WASF2: variants seen among roughly 807,000 people sequenced by gnomAD.
WASF2 encodes WASP family member 2, also known as actin-binding protein WASF2.
Under a neutral mutation model 45.0 loss-of-function variants are expected in WASF2, and 14 were observed. That is an observed-to-expected ratio of 0.31 (90% confidence interval 0.21 to 0.49). WASF2 has a LOEUF of 0.49. Among genes scored for constraint, WASF2 ranks in the 20% least tolerant of loss-of-function variants. The pLI, the probability that WASF2 is intolerant of heterozygous loss-of-function variation, is 0.99. For missense variants in WASF2, 439 were observed against 636.1 expected, an observed-to-expected ratio of 0.69 and a Z score of 3.33; for synonymous variants, 200 against 236.3, an observed-to-expected ratio of 0.85 and a Z score of 1.41.
intron 1 of WASF2, among the ~76,000 whole-genome samples, chr1:27,446,916 C>T (rs763053877): frequency 1.3e-5 from 2 of 152,156 alleles, no homozygotes; most frequent in Non-Finnish European, 2.9e-5. Flanking sequence ...TCTCTGGTCT[C>T]TAGCCCCTGG....
chr1:27,475,261 T>C (rs2017750013), intron 1 of WASF2, among the ~76,000 whole-genome samples: 1 of 152,116 alleles, frequency 6.6e-6, no homozygotes, highest in Non-Finnish European at 1.5e-5. Flanking sequence ...AAAATATAAA[T>C]AAACAGAACT....
At chr1:27,449,946 C>T (rs1386848356) in intron 1 of WASF2, among the ~76,000 whole-genome samples, 4 of 152,088 alleles carry the variant, frequency 2.6e-5, no homozygotes, top group African/African-American at 7.2e-5. Context: ...GAGTTCGAGA[C>T]CAGCCTGGCC....
At position 27,415,191 on chromosome 1, in the gene WASF2, A is replaced by G. The variant is rs187321348; in HGVS notation, c.538-228T>C. ...ATCCCACACTCAAATGCCTCCAGCAACGGGAACCCCACTTCCTCTTTGGAT... is the reference window on the plus strand; with the variant it reads ...ATCCCACACTCAAATGCCTCCAGCAGCGGGAACCCCACTTCCTCTTTGGAT... On this transcript the variant is annotated intron_variant, in intron 5 of 8. Coordinates refer to ENST00000618852, the MANE Select transcript of WASF2 (RefSeq NM_006990.5). Among the ~76,000 whole-genome samples, 512 of 152,340 alleles carry G rather than the reference A, an allele frequency of 3.4e-3. 3 individuals carry two copies. The highest frequency in any genetic ancestry group is 5.7e-3 in the Non-Finnish European group (386 of 68,026).
rs757951877 is a variant in WASF2 at position 27,410,226 on chromosome 1, AAG to A, written c.825-22_825-21del. ...GGGTAACTAAAAGGCCAAAGAAAAA[AAG>A]ACTCACCATCACCCTTAGAATGCAG... On this transcript the variant is annotated intron_variant, in intron 7 of 8. Coordinates refer to ENST00000618852, the MANE Select transcript of WASF2 (RefSeq NM_006990.5). The surrounding 1 kb of genome is among the most constrained non-coding windows in gnomAD (Gnocchi z 4.2). 1.9e-6 allele frequency: 3 copies of A among 1,613,772 alleles called. No individual in the cohort carries two copies. The Admixed American group carries it at 5.0e-5, about 27-fold the overall frequency.
At chr1:27,473,688 CA>C (rs1381465784) in intron 1 of WASF2, among the ~76,000 whole-genome samples, 1 of 152,104 alleles carries the variant, frequency 6.6e-6, no homozygotes, top group Non-Finnish European at 1.5e-5. Context: ...TTTCTGGTCA[CA>C]AAAAACATCA....
chr1:27,458,472 G>T (rs1363576516), intron 1 of WASF2, among the ~76,000 whole-genome samples: 1 of 151,932 alleles, frequency 6.6e-6, no homozygotes, highest in Non-Finnish European at 1.5e-5. Flanking sequence ...AATATTTGTA[G>T]TTTTCCTCAA....
intron 1 of WASF2, 89 bp from the exon 2 acceptor site, chr1:27,429,022 T>C: frequency 9.3e-7 from 1 of 1,069,522 alleles, no homozygotes; most frequent in Non-Finnish European, 1.3e-6. Context: ...TTTTTTTTGG[T>C]CTTACCCTGA....
Position 27,428,762 on chromosome 1 carries a change from C to T in WASF2, c.129G>A (p.Leu43=). The change falls in exon 2 of 9, where the codon CTG becomes CTA. Residue 43 remains leucine, a splice_region_variant and synonymous_variant. Coordinates refer to ENST00000618852, the MANE Select transcript of WASF2 (RefSeq NM_006990.5). ...GCACAGGCTCTCTGAGGCACTCACT[C>T]AGGCTGCCCAGCTGTCGGATGACAT... ...LANVIRQLGS[L]SKYAEDIFGE... 1.2e-6 allele frequency: 2 copies of T among 1,614,168 alleles called. No individual in the cohort carries two copies. The highest frequency in any genetic ancestry group is 2.7e-5 in the African/African-American group (2 of 75,038).
At position 27,427,242 on chromosome 1, in the gene WASF2, T is replaced by C. The variant is rs183593235; in HGVS notation, c.130+1519A>G. 1.6e-4 allele frequency among the ~76,000 whole-genome samples: 25 copies of C among 152,074 alleles called. No individual in the cohort carries two copies. In the East Asian group the frequency reaches 4.2e-3, roughly 26 times the overall value. ...CAGATCAGCTTCCCCAAGATAGGAG[T>C]GGTCTGATCACAAGTGGGAGTGTGA... On this transcript the variant is annotated intron_variant, in intron 2 of 8. Coordinates refer to ENST00000618852, the MANE Select transcript of WASF2 (RefSeq NM_006990.5).
At chr1:27,453,412 T>C (rs1263512376) in intron 1 of WASF2, among the ~76,000 whole-genome samples, 2 of 149,750 alleles carry the variant, frequency 1.3e-5, no homozygotes, top group South Asian at 2.1e-4. Flanking sequence ...GGCAAAATGA[T>C]GAAACCCTGT....
intron 1 of WASF2, among the ~76,000 whole-genome samples, chr1:27,477,713 A>C (rs1169918171): frequency 7.3e-6 from 1 of 136,230 alleles, no homozygotes; most frequent in Non-Finnish European, 1.5e-5. Context: ...TCCCGGCTAA[A>C]ACGGTGAAAC....
intron 1 of WASF2, among the ~76,000 whole-genome samples, chr1:27,445,329 C>CA (rs2017297060): frequency 6.6e-6 from 1 of 152,178 alleles, no homozygotes; most frequent in African/African-American, 2.4e-5. Context: ...GTCACACAGA[C>CA]AGACAGCTTT....
chr1:27,452,229 C>T (rs762901708), intron 1 of WASF2, among the ~76,000 whole-genome samples: 15 of 152,204 alleles, frequency 9.9e-5, no homozygotes, highest in Non-Finnish European at 1.9e-4. Context: ...ATAGGCCAGA[C>T]GCAGGCTGCG....
intron 2 of WASF2, among the ~76,000 whole-genome samples, chr1:27,422,348 A>C (rs1376983838): frequency 1.3e-5 from 2 of 152,030 alleles, no homozygotes; most frequent in East Asian, 3.9e-4. Flanking sequence ...GGCTGGGCGC[A>C]GTGGCTCATG....
intron 8 of WASF2, among the ~76,000 whole-genome samples, chr1:27,408,888 T>G (rs2016715922): frequency 6.7e-6 from 1 of 149,688 alleles, no homozygotes. Context: ...AAAAAAGGAG[T>G]TAGAAAGAGG....
In WASF2 at chr1:27,418,561, C is replaced by G. The variant is rs141208498; in HGVS notation, c.266-139G>C. 424 of 1,197,226 alleles carry G rather than the reference C, an allele frequency of 3.5e-4. 1 individual carries two copies. The African/African-American group carries it at 4.7e-3, about 13-fold the overall frequency. 74.2% of individuals were successfully genotyped at this position (1,197,226 alleles called of 1,614,324 possible). A position where few individuals can be genotyped will look rare whatever the true frequency, so the allele number is the denominator to read the frequency against. ...AGCCAGGCTTTTTTTTTCCCTCCCCCTCTGGGGAAGCCCCACAAGGCTGTC... is the reference window on the plus strand; with the variant it reads ...AGCCAGGCTTTTTTTTTCCCTCCCCGTCTGGGGAAGCCCCACAAGGCTGTC... On this transcript the variant is annotated intron_variant, in intron 3 of 8. Transcript: ENST00000618852.
At chr1:27,422,797 A>G (rs1200783444) in intron 2 of WASF2, among the ~76,000 whole-genome samples, 1 of 152,010 alleles carries the variant, frequency 6.6e-6, no homozygotes, top group Non-Finnish European at 1.5e-5. Context: ...AGTTGTTACA[A>G]TGAGATTCTT....
chr1:27,419,411 A>G (rs1329141092), intron 2 of WASF2, among the ~76,000 whole-genome samples: 1 of 152,184 alleles, frequency 6.6e-6, no homozygotes, highest in African/African-American at 2.4e-5. Context: ...ATATTTCTAC[A>G]CATTTCCAGC....
intron 1 of WASF2, among the ~76,000 whole-genome samples, chr1:27,434,179 TTA>T (rs1219511386): frequency 7.9e-5 from 12 of 152,162 alleles, no homozygotes; most frequent in Admixed American, 1.3e-4. Context: ...TTAGATAAGG[TTA>T]TGAGTTCTCC....
Sources: allele counts gnomAD v4.1 joint callset (sites outside exome capture counted in the v4.1 genomes callset), GRCh38; gene constraint gnomAD v4.1.1; non-coding constraint Gnocchi (gnomAD v3.1); transcripts MANE v1.5; gene names NCBI Gene and HGNC (gene_info 2026-07-23, HGNC 2026-07-21).